ALCAM: variants seen among roughly 807,000 people sequenced by gnomAD.
ALCAM encodes the protein CD166 antigen.
ALCAM carries 30 observed loss-of-function variants against 70.9 expected under a neutral mutation model. That is an observed-to-expected ratio of 0.42 (90% CI 0.32 to 0.57). The LOEUF is 0.57. Ranked by LOEUF, ALCAM falls within the 20% of genes least tolerant of loss-of-function variation. ALCAM has a pLI of 0.11. For synonymous variants in ALCAM, 249 were observed against 242.5 expected (o/e 1.03, Z -0.25); for missense variants, 591 against 695.1 (o/e 0.85, Z 1.68).
At position 105,561,206 on chromosome 3, in the gene ALCAM, A is replaced by G. The variant is rs563066476; in HGVS notation, c.1664+8621A>G. 4.1e-4 allele frequency among the ~76,000 whole-genome samples: 63 copies of G among 152,280 alleles called. No homozygotes were observed. The South Asian group carries it at 0.013, about 31-fold the overall frequency. ...CCAATTGTTCCTAGTAGTATGTGAA[A>G]GTGTGATTAATTTTTCATGTTGAAA... is the stretch of plus-strand genomic sequence containing the variant. On this transcript the variant is annotated intron_variant, in intron 14 of 15. Coordinates refer to ENST00000306107, the MANE Select transcript of ALCAM (RefSeq NM_001627.4).
At chr3:105,378,595 C>G (rs75630896) in intron 1 of ALCAM, among the ~76,000 whole-genome samples, 1,868 of 150,656 alleles carry the variant, frequency 0.012, 25 homozygotes, top group African/African-American at 0.027. Flanking sequence ...CCTGTTCCAC[C>G]CAGCCTCAAT....
At chr3:105,564,372 G>T (rs756017700) in intron 14 of ALCAM, among the ~76,000 whole-genome samples, 8 of 152,056 alleles carry the variant, frequency 5.3e-5, no homozygotes, top group African/African-American at 1.2e-4. Context: ...TTTATGCTCT[G>T]CAGTCTATTA....
At chr3:105,509,254 G>T (rs1287802778) in intron 1 of ALCAM, among the ~76,000 whole-genome samples, 7 of 151,918 alleles carry the variant, frequency 4.6e-5, no homozygotes. Flanking sequence ...GGATTATCTG[G>T]TAGTTCTATT....
At chr3:105,481,373 T>C (rs1938268387) in intron 1 of ALCAM, among the ~76,000 whole-genome samples, 1 of 152,154 alleles carries the variant, frequency 6.6e-6, no homozygotes, top group Admixed American at 6.6e-5. Context: ...TTAATGTTAT[T>C]TGTCTTCCTA....
chr3:105,401,375 C>T (rs1253220479), intron 1 of ALCAM, among the ~76,000 whole-genome samples: 1 of 152,188 alleles, frequency 6.6e-6, no homozygotes, highest in Non-Finnish European at 1.5e-5. Context: ...GGCTGAGACA[C>T]AGGAGCAGCA....
chr3:105,445,793 T>C (rs1937280803), intron 1 of ALCAM, among the ~76,000 whole-genome samples: 1 of 152,212 alleles, frequency 6.6e-6, no homozygotes, highest in Non-Finnish European at 1.5e-5. Context: ...AGAATGAAGC[T>C]AGACCTCTAT....
At chr3:105,410,217 T>C (rs12488994) in intron 1 of ALCAM, among the ~76,000 whole-genome samples, 104,530 of 151,874 alleles carry the variant, frequency 0.69, 36,288 homozygotes, top group East Asian at 0.93. Flanking sequence ...ATACTATTTG[T>C]AGGTTGTCTC....
intron 1 of ALCAM, among the ~76,000 whole-genome samples, chr3:105,508,796 A>C (rs1294929830): frequency 7.0e-6 from 1 of 143,278 alleles, no homozygotes; most frequent in African/African-American, 2.6e-5. Flanking sequence ...TATTAACCAC[A>C]GTCATCATGC....
chr3:105,441,408 T>C (rs930716642), intron 1 of ALCAM, among the ~76,000 whole-genome samples: 1 of 152,172 alleles, frequency 6.6e-6, no homozygotes, highest in Non-Finnish European at 1.5e-5. Context: ...AAAAGGAAAA[T>C]TGACTAGATG....
chr3:105,383,319 C>T (rs146609408), intron 1 of ALCAM, among the ~76,000 whole-genome samples: 13 of 151,734 alleles, frequency 8.6e-5, no homozygotes, highest in African/African-American at 2.4e-4. Context: ...TTCTACCCAG[C>T]GTCTACTGAT....
intron 1 of ALCAM, among the ~76,000 whole-genome samples, chr3:105,425,491 C>T (rs1936767119): frequency 6.6e-6 from 1 of 151,688 alleles, no homozygotes; most frequent in Non-Finnish European, 1.5e-5. Flanking sequence ...CATTCTCCAG[C>T]AATGATTTAA....
At chr3:105,488,641 G>A (rs1239975366) in intron 1 of ALCAM, among the ~76,000 whole-genome samples, 1 of 148,580 alleles carries the variant, frequency 6.7e-6, no homozygotes, top group African/African-American at 2.5e-5. Context: ...AGGAAGGAAG[G>A]AAGAAAGGAT....
At chr3:105,431,947 G>A (rs1175620870) in intron 1 of ALCAM, among the ~76,000 whole-genome samples, 1 of 152,118 alleles carries the variant, frequency 6.6e-6, no homozygotes, top group Admixed American at 6.5e-5. Flanking sequence ...CTTTTTAACA[G>A]AGTATGTTTC....
chr3:105,435,934 A>G (rs1937039251), intron 1 of ALCAM, among the ~76,000 whole-genome samples: 1 of 152,026 alleles, frequency 6.6e-6, no homozygotes, highest in Non-Finnish European at 1.5e-5. Flanking sequence ...GGTTTAATGG[A>G]CTTAACAGTT....
intron 3 of ALCAM, among the ~76,000 whole-genome samples, chr3:105,529,939 G>A (rs1188612654): frequency 6.6e-6 from 1 of 152,044 alleles, no homozygotes. Context: ...ACTTGGCAAA[G>A]CGACCCACCA....
At chr3:105,562,079 A>C (rs1192450091) in intron 14 of ALCAM, among the ~76,000 whole-genome samples, 1 of 152,200 alleles carries the variant, frequency 6.6e-6, no homozygotes, top group Non-Finnish European at 1.5e-5. Context: ...TGGTCTTTCT[A>C]GTGTCATTAT....
At chr3:105,383,970 A>G (rs967820371) in intron 1 of ALCAM, among the ~76,000 whole-genome samples, 1 of 151,676 alleles carries the variant, frequency 6.6e-6, no homozygotes, top group African/African-American at 2.4e-5. Flanking sequence ...AATAATATAG[A>G]AAAGACTTCA....
chr3:105,548,457 A>C (rs1576235732), intron 11 of ALCAM, among the ~76,000 whole-genome samples: 1 of 151,436 alleles, frequency 6.6e-6, no homozygotes, highest in Non-Finnish European at 1.5e-5. Context: ...TTGAGAAGAC[A>C]TATATAAAGC....
At chr3:105,446,514 C>T (rs1413703183) in intron 1 of ALCAM, among the ~76,000 whole-genome samples, 2 of 151,918 alleles carry the variant, frequency 1.3e-5, no homozygotes, top group African/African-American at 4.8e-5. Context: ...GAGATAGCTG[C>T]ACTCTCATGT....
Sources: gnomAD v4.1 joint callset for allele counts (sites outside exome capture counted in the v4.1 genomes callset) on GRCh38, gnomAD v4.1.1 for gene constraint, MANE v1.5 for transcripts, NCBI Gene and HGNC (gene_info 2026-07-23, HGNC 2026-07-21) for gene names.